The following LRRTM4 variants were observed in gnomAD, a reference collection of about 807,000 sequenced individuals.
LRRTM4 encodes the protein leucine-rich repeat transmembrane neuronal protein 4.
Under a neutral mutation model 47.6 loss-of-function variants are expected in LRRTM4, and 25 were observed. The observed-to-expected ratio is 0.53, with a 90% CI of 0.38 to 0.73. The LOEUF (loss-of-function observed/expected upper bound fraction) is 0.73. Ranked by LOEUF, LRRTM4 falls within the 30% of genes least tolerant of loss-of-function variation. The probability of loss-of-function intolerance (pLI) is 0.00; values close to 1 mark genes in which losing one functional copy is unlikely to be tolerated. For missense variants in LRRTM4, 638 were observed against 713.4 expected, an observed-to-expected ratio of 0.89 and a Z score of 1.20; for synonymous variants, 311 against 269.5, an observed-to-expected ratio of 1.15 and a Z score of -1.51.
At chr2:77,380,990 C>T (rs1673030113) in intron 3 of LRRTM4, among the ~76,000 whole-genome samples, 1 of 151,786 alleles carries the variant, frequency 6.6e-6, no homozygotes, top group Admixed American at 6.6e-5. Flanking sequence ...TAATATAAAA[C>T]AACTAGTGGC....
At chr2:77,006,453 T>G (rs935915965) in intron 3 of LRRTM4, among the ~76,000 whole-genome samples, 1 of 152,042 alleles carries the variant, frequency 6.6e-6, no homozygotes, top group Non-Finnish European at 1.5e-5. Context: ...TTCCAGAAAA[T>G]TTTATTTTGG....
At chr2:77,229,487 C>T (rs1415204003) in intron 3 of LRRTM4, among the ~76,000 whole-genome samples, 1 of 152,020 alleles carries the variant, frequency 6.6e-6, no homozygotes, top group Non-Finnish European at 1.5e-5. Context: ...TGTAACGTTG[C>T]GTCTCAAGTC....
In LRRTM4 at chr2:76,862,087, T is replaced by C. The variant is rs539248805; in HGVS notation, c.1552-113171A>G. Among the ~76,000 whole-genome samples the C allele has an allele frequency of 5.3e-5, 8 of 152,100 alleles. No individual in the cohort carries two copies. In the South Asian group the frequency reaches 1.7e-3, roughly 32 times the overall value. On this transcript the variant is annotated intron_variant, in intron 3 of 3. Transcript: ENST00000409884. Reference sequence around the variant, plus strand: ...CTAATTTAGGCTTTTTTTTTTTAAATAAAGCAAGTGTTTTATTTTCACTTT... The same window carrying C: ...CTAATTTAGGCTTTTTTTTTTTAAACAAAGCAAGTGTTTTATTTTCACTTT...
Position 76,882,168 on chromosome 2 carries a change from TCTA to T in LRRTM4, c.1552-133255_1552-133253del, listed in dbSNP as rs931935845. On this transcript the variant is annotated intron_variant, in intron 3 of 3. Transcript: ENST00000409884. ...TTGTCTATAAAAGAAATTAATATTTTCTACTAAGTGATGTCTATATAAGATATT... is the reference window on the plus strand; with the variant it reads ...TTGTCTATAAAAGAAATTAATATTTTCTAAGTGATGTCTATATAAGATATT... Among the ~76,000 whole-genome samples the T allele has an allele frequency of 5.9e-5, 9 of 152,170 alleles. No homozygotes were observed. The South Asian group carries it at 1.4e-3, about 24-fold the overall frequency.
chr2:77,072,619 G>A (rs908581973), intron 3 of LRRTM4, among the ~76,000 whole-genome samples: 2 of 151,678 alleles, frequency 1.3e-5, no homozygotes, highest in South Asian at 2.1e-4. Context: ...CCAACATGAC[G>A]AAATCCCGTC....
At chr2:77,520,010 T>A in intron 2 of LRRTM4, 146 bp from the exon 3 acceptor site, 1 of 1,337,580 alleles carries the variant, frequency 7.5e-7, no homozygotes, top group Non-Finnish European at 9.9e-7. Context: ...GAGCATTATT[T>A]TCTTCAGTGT....
chr2:77,285,340 T>TTATATATATATATATA (rs10527679), intron 3 of LRRTM4, among the ~76,000 whole-genome samples: 13,644 of 82,074 alleles, frequency 0.17, 2,190 homozygotes, highest in East Asian at 0.23. Flanking sequence ...AGCATTAAAT[T>TTATATATATATATATA]TATATATATA....
At chr2:77,190,291 CTTTT>C (rs143873795) in intron 3 of LRRTM4, among the ~76,000 whole-genome samples, 3,582 of 103,874 alleles carry the variant, frequency 0.034, 50 homozygotes, top group Non-Finnish European at 0.047. Context: ...GCATTTTCAT[CTTTT>C]TTTTTTTTTT....
intron 3 of LRRTM4, among the ~76,000 whole-genome samples, chr2:77,450,623 G>C (rs945302357): frequency 1.3e-5 from 2 of 151,896 alleles, no homozygotes; most frequent in Admixed American, 1.3e-4. Flanking sequence ...CTAGATTTCA[G>C]AGTTGAAACA....
chr2:76,923,229 T>C (rs968371306), intron 3 of LRRTM4, among the ~76,000 whole-genome samples: 1 of 152,114 alleles, frequency 6.6e-6, no homozygotes, highest in African/African-American at 2.4e-5. Context: ...TTTATTGTTT[T>C]ACCTTTTATG....
chr2:77,345,901 C>A (rs564401055), intron 3 of LRRTM4, among the ~76,000 whole-genome samples: 1 of 151,462 alleles, frequency 6.6e-6, no homozygotes, highest in East Asian at 1.9e-4. Flanking sequence ...TCAAAGAAAA[C>A]TTGTACATGA....
chr2:76,869,636 T>C (rs1672567317), intron 3 of LRRTM4, among the ~76,000 whole-genome samples: 1 of 152,162 alleles, frequency 6.6e-6, no homozygotes, highest in South Asian at 2.1e-4. Flanking sequence ...AAAACATGGC[T>C]GTTATTATGT....
At chr2:77,486,313 C>T (rs1260285267) in intron 3 of LRRTM4, among the ~76,000 whole-genome samples, 1 of 152,166 alleles carries the variant, frequency 6.6e-6, no homozygotes, top group Non-Finnish European at 1.5e-5. Context: ...GTTATCCTTT[C>T]CTTACTCAAA....
intron 3 of LRRTM4, among the ~76,000 whole-genome samples, chr2:77,130,975 C>T (rs979503964): frequency 1.4e-5 from 2 of 145,852 alleles, no homozygotes; most frequent in Non-Finnish European, 3.0e-5. Context: ...GCTGGGACTA[C>T]AGGCGCCCGC....
At chr2:77,492,469 G>A (rs1489442513) in intron 3 of LRRTM4, among the ~76,000 whole-genome samples, 1 of 151,984 alleles carries the variant, frequency 6.6e-6, no homozygotes, top group Non-Finnish European at 1.5e-5. Flanking sequence ...ATATTGCTGA[G>A]GCTGGACTTG....
intron 3 of LRRTM4, among the ~76,000 whole-genome samples, chr2:77,138,172 A>C (rs767636670): frequency 6.6e-6 from 1 of 152,224 alleles, no homozygotes; most frequent in Non-Finnish European, 1.5e-5. Context: ...CAGAATATAC[A>C]TTCTTCTCAG....
At chr2:77,234,646 C>G (rs1675055558) in intron 3 of LRRTM4, among the ~76,000 whole-genome samples, 1 of 152,104 alleles carries the variant, frequency 6.6e-6, no homozygotes, top group Non-Finnish European at 1.5e-5. Flanking sequence ...CACATTGAAA[C>G]CACCTGGGCA....
At chr2:77,377,833 GA>G (rs1469979282) in intron 3 of LRRTM4, among the ~76,000 whole-genome samples, 1 of 151,824 alleles carries the variant, frequency 6.6e-6, no homozygotes, top group Non-Finnish European at 1.5e-5. Flanking sequence ...TATTTGGTCT[GA>G]AGGTATTTAT....
At chr2:77,009,294 T>C (rs903506320) in intron 3 of LRRTM4, 1 of 152,146 alleles carries the variant, frequency 6.6e-6, no homozygotes, top group Admixed American at 6.6e-5. Flanking sequence ...ACTATTTTCC[T>C]CTGAAGTGTT....
Sources: allele counts gnomAD v4.1 joint callset (sites outside exome capture counted in the v4.1 genomes callset), GRCh38; gene constraint gnomAD v4.1.1; transcripts MANE v1.5; gene names NCBI Gene and HGNC (gene_info 2026-07-23, HGNC 2026-07-21).